PCDHGB4: variants seen among roughly 807,000 people sequenced by gnomAD.
The protein encoded by PCDHGB4 is protocadherin gamma-B4.
Under a neutral mutation model 60.5 loss-of-function variants are expected in PCDHGB4, and 38 were observed. The observed-to-expected ratio is 0.63, with a 90% CI of 0.48 to 0.82. The LOEUF (loss-of-function observed/expected upper bound fraction) is 0.82. Among genes scored for constraint, PCDHGB4 ranks in the 40% least tolerant of loss-of-function variants. PCDHGB4 has a pLI of 0.00. For missense variants in PCDHGB4, 1,109 were observed against 1,209.6 expected, an observed-to-expected ratio of 0.92 and a Z score of 1.23; for synonymous variants, 456 against 509.7, an observed-to-expected ratio of 0.89 and a Z score of 1.42.
At position 141,477,492 on chromosome 5, in the gene PCDHGB4, A is replaced by T; in HGVS notation, c.2398-17315A>T. ...AATGACAACCCTCCACAATCTTCTC[A>T]ATCTTCCTACGACGTTTACATTGAA... On this transcript the variant is annotated intron_variant, in intron 1 of 3. Coordinates refer to ENST00000519479, the MANE Select transcript of PCDHGB4 (RefSeq NM_003736.4). The surrounding 1 kb of genome is among the most constrained non-coding windows in gnomAD (Gnocchi z 4.9). The T allele has an allele frequency of 6.2e-7, 1 of 1,613,980 alleles. No individual in the cohort carries two copies. The highest frequency in any genetic ancestry group is 8.5e-7 in the Non-Finnish European group (1 of 1,179,958).
chr5:141,423,169 C>T (rs747206648), intron 1 of PCDHGB4: 4 of 1,613,460 alleles, frequency 2.5e-6, no homozygotes, highest in Admixed American at 3.3e-5. Flanking sequence ...GGTGGCCGTC[C>T]AGGACCACGG....
rs763160633 is a variant in PCDHGB4 at position 141,418,261 on chromosome 5, G to A, written c.2397+27980G>A. 3 of 1,614,056 alleles carry A rather than the reference G, an allele frequency of 1.9e-6. No homozygotes were observed. In the South Asian group the frequency reaches 3.3e-5, roughly 18 times the overall value. Reference sequence around the variant, plus strand: ...TTAATGACCACGCCCCTCAATTCCGGAAAGATGAAATAAACTTAGAAATCA... The same window carrying A: ...TTAATGACCACGCCCCTCAATTCCGAAAAGATGAAATAAACTTAGAAATCA... On this transcript the variant is annotated intron_variant, in intron 1 of 3. Coordinates refer to ENST00000519479, the MANE Select transcript of PCDHGB4 (RefSeq NM_003736.4).
chr5:141,397,893 G>T (rs1442552386), intron 1 of PCDHGB4: 4 of 650,466 alleles, frequency 6.1e-6, no homozygotes, highest in African/African-American at 5.5e-5. Flanking sequence ...GTTGGCCAAA[G>T]TGCAGAGCTT....
In PCDHGB4 at chr5:141,512,264, C is replaced by G. The variant is rs1453959730; in HGVS notation, c.*1091C>G. 6.5e-6 allele frequency: 1 copy of G among 152,684 alleles called. No homozygotes were observed. The highest frequency in any genetic ancestry group is 1.5e-5 in the Non-Finnish European group (1 of 68,096). 9.5% of individuals were successfully genotyped at this position (152,684 alleles called of 1,614,324 possible). ...GGGGCCTCTGTGGGTGCTGGGTACTCCAGAGGTGCCACTGGTGGAAGGGTC... is the reference window on the plus strand; with the variant it reads ...GGGGCCTCTGTGGGTGCTGGGTACTGCAGAGGTGCCACTGGTGGAAGGGTC... On this transcript the variant is annotated 3_prime_UTR_variant, in exon 4 of 4. Transcript: ENST00000519479.
chr5:141,482,593 G>A (rs1314658005), intron 1 of PCDHGB4, among the ~76,000 whole-genome samples: 4 of 149,900 alleles, frequency 2.7e-5, no homozygotes, highest in Non-Finnish European at 5.9e-5. Flanking sequence ...GGGACCAAAC[G>A]GGAAAAAACA....
chr5:141,410,036 A>G, intron 1 of PCDHGB4: 1 of 1,613,240 alleles, frequency 6.2e-7, no homozygotes, highest in Non-Finnish European at 8.5e-7. Flanking sequence ...GCTGCAGGCC[A>G]GTGAGCCCGG....
In PCDHGB4 at chr5:141,421,044, C is replaced by A. The variant is rs556562994; in HGVS notation, c.2397+30763C>A. 5.5e-6 allele frequency: 3 copies of A among 548,610 alleles called. No individual in the cohort carries two copies. In the South Asian group the frequency reaches 8.2e-5, roughly 15 times the overall value. The allele number at this position is 548,610 out of a possible 1,614,324, so 34.0% of individuals were successfully genotyped here. A position where few individuals can be genotyped will look rare whatever the true frequency, so the allele number is the denominator to read the frequency against. ...CGCGCCATTGAGTCCCTCCCTCCCCCGCCTCTACCACACAAAGCGGAATGA... is the reference window on the plus strand; with the variant it reads ...CGCGCCATTGAGTCCCTCCCTCCCCAGCCTCTACCACACAAAGCGGAATGA... On this transcript the variant is annotated intron_variant, in intron 1 of 3. Transcript: ENST00000519479.
intron 1 of PCDHGB4, chr5:141,399,413 C>T (rs1456440098): frequency 2.5e-5 from 41 of 1,613,930 alleles, no homozygotes; most frequent in Non-Finnish European, 3.2e-5. Context: ...CCGCCCCTCT[C>T]CTCCAGCATA....
chr5:141,454,580 ATT>A (rs1392342692), intron 1 of PCDHGB4, among the ~76,000 whole-genome samples: 2 of 151,234 alleles, frequency 1.3e-5, no homozygotes, highest in Non-Finnish European at 2.9e-5. Context: ...CTAATTTTGT[ATT>A]TTTAGTAGAG....
At chr5:141,468,797 C>A (rs191599825) in intron 1 of PCDHGB4, among the ~76,000 whole-genome samples, 1 of 151,770 alleles carries the variant, frequency 6.6e-6, no homozygotes, top group East Asian at 1.9e-4. Context: ...ACCCGGGAGG[C>A]GGAACTTGCA....
At position 141,469,759 on chromosome 5, in the gene PCDHGB4, T is replaced by C. The variant is rs192437401; in HGVS notation, c.2398-25048T>C. On this transcript the variant is annotated intron_variant, in intron 1 of 3. Coordinates refer to ENST00000519479, the MANE Select transcript of PCDHGB4 (RefSeq NM_003736.4). ...ACCTCAAAAATTACAAAAATACATATATACCAGCTTATTTATTACAGCGTT... is the reference window on the plus strand; with the variant it reads ...ACCTCAAAAATTACAAAAATACATACATACCAGCTTATTTATTACAGCGTT... 3.9e-3 allele frequency among the ~76,000 whole-genome samples: 591 copies of C among 152,310 alleles called. 6 individuals are homozygous for C. Among genetic ancestry groups the C allele is most frequent in the Admixed American group, 0.011 (171 of 15,298 alleles).
intron 1 of PCDHGB4, among the ~76,000 whole-genome samples, chr5:141,483,302 C>G (rs1262756268): frequency 2.0e-5 from 3 of 152,012 alleles, no homozygotes; most frequent in Admixed American, 6.5e-5. Context: ...AGTGAAGGGA[C>G]TGGGGACATT....
Position 141,431,054 on chromosome 5 carries a change from G to A in PCDHGB4, c.2397+40773G>A, listed in dbSNP as rs532584174. 1 of 1,614,198 alleles carries A rather than the reference G, an allele frequency of 6.2e-7. No individual in the cohort carries two copies. Among genetic ancestry groups the A allele is most frequent in the African/African-American group, 1.3e-5 (1 of 75,076 alleles). ...AGACCGGGAGGAGCTCTGTATGGGG[G>A]CCATCAAGTGTCAATTAAATCTAGA... On this transcript the variant is annotated intron_variant, in intron 1 of 3. Transcript: ENST00000519479. This position sits in a 1 kb window ranked among gnomAD's most constrained non-coding sequence, Gnocchi z 4.8.
intron 2 of PCDHGB4, among the ~76,000 whole-genome samples, chr5:141,497,076 C>T (rs1052240279): frequency 5.9e-5 from 9 of 151,826 alleles, no homozygotes; most frequent in Non-Finnish European, 8.8e-5. Context: ...GTAATCCCAG[C>T]GACTTAGGAG....
intron 1 of PCDHGB4, chr5:141,421,683 A>G (rs1238944281): frequency 1.2e-6 from 2 of 1,613,758 alleles, no homozygotes; most frequent in African/African-American, 1.3e-5. Flanking sequence ...CTGGGGCGCG[A>G]TTTGCTCTTC....
chr5:141,392,692 C>T, intron 1 of PCDHGB4: 11 of 1,148,308 alleles, frequency 9.6e-6, no homozygotes, highest in Non-Finnish European at 1.3e-5. Flanking sequence ...CGAAACCCGA[C>T]CCCTGTTTGG....
Position 141,485,804 on chromosome 5 carries a change from G to A in PCDHGB4, c.2398-9003G>A. 6.2e-7 allele frequency: 1 copy of A among 1,614,218 alleles called. No individual in the cohort carries two copies. On this transcript the variant is annotated intron_variant, in intron 1 of 3. Coordinates refer to ENST00000519479, the MANE Select transcript of PCDHGB4 (RefSeq NM_003736.4). This position sits in a 1 kb window ranked among gnomAD's most constrained non-coding sequence, Gnocchi z 5.7. The stretch of plus-strand genomic sequence containing the variant: ...AGAGAAGCAATCGGACTACCGCCTG[G>A]TGCTGACTGCTGTCGATGGAGGGAA...
intron 1 of PCDHGB4, chr5:141,423,368 C>A: frequency 3.1e-6 from 5 of 1,614,200 alleles, no homozygotes; most frequent in Non-Finnish European, 4.2e-6. Context: ...GTGCTGCTGG[C>A]ACTCAGGCTG....
At chr5:141,457,514 CAATT>C (rs1258794594) in intron 1 of PCDHGB4, among the ~76,000 whole-genome samples, 2 of 152,260 alleles carry the variant, frequency 1.3e-5, no homozygotes, top group African/African-American at 4.8e-5. Context: ...AGCTTAAAAA[CAATT>C]AATGAGACTA....
Sources: gnomAD v4.1 joint callset for allele counts (sites outside exome capture counted in the v4.1 genomes callset) on GRCh38, gnomAD v4.1.1 for gene constraint, Gnocchi (gnomAD v3.1) non-coding constraint, MANE v1.5 for transcripts, NCBI Gene and HGNC (gene_info 2026-07-23, HGNC 2026-07-21) for gene names.